The following HHIP variants were observed in gnomAD, a reference collection of about 807,000 sequenced individuals.
The protein encoded by HHIP is hedgehog interacting protein, also known as hedgehog-interacting protein.
In HHIP, 12 loss-of-function variants were observed where a neutral mutation model predicts 74.0. That is an observed-to-expected ratio of 0.16 (90% CI 0.10 to 0.26). The LOEUF is 0.26. Ranked by LOEUF, HHIP falls within the 10% of genes least tolerant of loss-of-function variation. The pLI is 1.00. For synonymous variants in HHIP, 309 were observed against 311.6 expected (o/e 0.99, Z 0.09); for missense variants, 788 against 845.0 (o/e 0.93, Z 0.84).
At chr4:144,663,187 G>C (rs1578682178) in intron 4 of HHIP, among the ~76,000 whole-genome samples, 1 of 152,116 alleles carries the variant, frequency 6.6e-6, no homozygotes, top group Non-Finnish European at 1.5e-5. Context: ...TACTCAGAAG[G>C]CTGAGGCAAG....
intron 11 of HHIP, among the ~76,000 whole-genome samples, chr4:144,724,112 A>T (rs1184826628): frequency 2.0e-5 from 3 of 152,218 alleles, no homozygotes; most frequent in Non-Finnish European, 4.4e-5. Flanking sequence ...ATGGATGAGC[A>T]TGCATACATA....
rs180746656 is a variant in HHIP, at chr4:144,670,289, C to T, written c.831+10451C>T. ...CAGCCTGGCCCACATAGTGAAACCCCGTCTCTAATAAAAATACAAAAATTA... is the reference window on the plus strand; with the variant it reads ...CAGCCTGGCCCACATAGTGAAACCCTGTCTCTAATAAAAATACAAAAATTA... On this transcript the variant is annotated intron_variant, in intron 4 of 12. Transcript: ENST00000296575. 2.0e-4 allele frequency among the ~76,000 whole-genome samples: 30 copies of T among 151,670 alleles called. 2 individuals carry two copies. The East Asian group carries it at 5.4e-3, about 28-fold the overall frequency.
At chr4:144,705,277 T>C (rs989159758) in intron 4 of HHIP, among the ~76,000 whole-genome samples, 2 of 152,256 alleles carry the variant, frequency 1.3e-5, no homozygotes, top group Non-Finnish European at 2.9e-5. Context: ...AACAGTTCTA[T>C]GCTTTGCTAG....
At chr4:144,666,270 T>A (rs1728860419) in intron 4 of HHIP, among the ~76,000 whole-genome samples, 1 of 151,544 alleles carries the variant, frequency 6.6e-6, no homozygotes, top group Admixed American at 6.6e-5. Flanking sequence ...TGTGTGTGTG[T>A]GTGTGTGTGT....
chr4:144,666,248 CGT>C (rs5862718), intron 4 of HHIP, among the ~76,000 whole-genome samples: 3,696 of 143,300 alleles, frequency 0.026, 110 homozygotes, highest in African/African-American at 0.071. Flanking sequence ...ATACTACAGT[CGT>C]GTGTGTGTGT....
chr4:144,688,717 C>T (rs1729552678), intron 4 of HHIP, among the ~76,000 whole-genome samples: 2 of 152,034 alleles, frequency 1.3e-5, no homozygotes, highest in South Asian at 2.1e-4. Context: ...CTCTGCCAGA[C>T]AAAACAGTTG....
chr4:144,726,504 G>C (rs1730809886), intron 11 of HHIP, among the ~76,000 whole-genome samples: 1 of 152,106 alleles, frequency 6.6e-6, no homozygotes, highest in Admixed American at 6.5e-5. Flanking sequence ...CAAAAATACT[G>C]TACCATAACC....
At chr4:144,707,061 G>C in intron 5 of HHIP, 26 bp from the exon 6 acceptor site, 1 of 1,599,728 alleles carries the variant, frequency 6.3e-7, no homozygotes, top group Non-Finnish European at 8.6e-7. Context: ...TAACAGTCAT[G>C]GTATTGTTTT....
intron 8 of HHIP, 118 bp downstream of exon 8, chr4:144,712,189 G>C: frequency 1.2e-6 from 1 of 857,756 alleles, no homozygotes; most frequent in Non-Finnish European, 1.8e-6. Flanking sequence ...TAAAAACACT[G>C]GCCTAACAAT....
At position 144,704,336 on chromosome 4, in the gene HHIP, T is replaced by TC. The variant is rs1482646676; in HGVS notation, c.832-2195_832-2194insC. On this transcript the variant is annotated intron_variant, in intron 4 of 12. Coordinates refer to ENST00000296575, the MANE Select transcript of HHIP (RefSeq NM_022475.3). Reference sequence around the variant, plus strand: ...ACCTGAAAATGTCAGAATTACTGACTTTTTTTAAATTGCTTTTTTGATTTA... The same window carrying TC: ...ACCTGAAAATGTCAGAATTACTGACTCTTTTTTAAATTGCTTTTTTGATTTA... Among the ~76,000 whole-genome samples, 6 of 152,318 alleles carry TC rather than the reference T, an allele frequency of 3.9e-5. 1 individual carries two copies. The highest frequency in any genetic ancestry group is 3.9e-4 in the Admixed American group (6 of 15,304).
chr4:144,714,515 G>T (rs2126664528), intron 9 of HHIP, among the ~76,000 whole-genome samples, 167 bp downstream of exon 9: 1 of 152,174 alleles, frequency 6.6e-6, no homozygotes, highest in East Asian at 1.9e-4. Context: ...TGGTTTAATT[G>T]AAGAACTTCC....
At chr4:144,687,044 T>C (rs1370167573) in intron 4 of HHIP, among the ~76,000 whole-genome samples, 1 of 152,246 alleles carries the variant, frequency 6.6e-6, no homozygotes, top group Non-Finnish European at 1.5e-5. Flanking sequence ...CAAGTGTGAT[T>C]TATTTTTTGG....
At chr4:144,714,060 A>G (rs541937464) in intron 8 of HHIP, among the ~76,000 whole-genome samples, 165 bp from the exon 9 acceptor site, 7 of 152,334 alleles carry the variant, frequency 4.6e-5, no homozygotes, top group African/African-American at 1.7e-4. Context: ...TGTTGATACT[A>G]TTTAGCAAAG....
intron 11 of HHIP, among the ~76,000 whole-genome samples, chr4:144,724,941 T>C (rs1730755452): frequency 6.6e-6 from 1 of 151,906 alleles, no homozygotes; most frequent in African/African-American, 2.4e-5. Flanking sequence ...ATGTGAATGG[T>C]GAAGAATATA....
Position 144,652,814 on chromosome 4 carries a change from C to A in HHIP, c.472+17C>A. The A allele has an allele frequency of 1.3e-6, 2 of 1,520,084 alleles. No homozygotes were observed. Among genetic ancestry groups the A allele is most frequent in the Non-Finnish European group, 1.8e-6 (2 of 1,118,296 alleles). The allele number at this position is 1,520,084 out of a possible 1,614,324, so 94.2% of individuals were successfully genotyped here. On this transcript the variant is annotated intron_variant, in intron 2 of 12. Transcript: ENST00000296575. ...ATATTCCAGGTAAGAAAAAAAAATG[C>A]ATAAGTAAAATAAACCACTGCACAA... is the stretch of plus-strand genomic sequence containing the variant.
In HHIP at chr4:144,695,690, G is replaced by A. The variant is rs79913591; in HGVS notation, c.832-10841G>A. 7.9e-3 allele frequency among the ~76,000 whole-genome samples: 1,194 copies of A among 151,650 alleles called. 11 individuals carry two copies. The highest frequency in any genetic ancestry group is 0.01 in the Non-Finnish European group (708 of 67,716). On this transcript the variant is annotated intron_variant, in intron 4 of 12. Coordinates refer to ENST00000296575, the MANE Select transcript of HHIP (RefSeq NM_022475.3). ...ATTTTATATATTTTAATGAAAAAAC[G>A]ATATTTCTACAATAGCAAAGTTATG...
intron 4 of HHIP, among the ~76,000 whole-genome samples, chr4:144,682,703 A>G (rs1011956212): frequency 6.6e-6 from 1 of 152,246 alleles, no homozygotes; most frequent in Non-Finnish European, 1.5e-5. Flanking sequence ...GTCAAACAAA[A>G]TACAGATGAG....
intron 12 of HHIP, among the ~76,000 whole-genome samples, chr4:144,737,001 C>T (rs1731138109): frequency 6.6e-6 from 1 of 152,134 alleles, no homozygotes; most frequent in Non-Finnish European, 1.5e-5. Flanking sequence ...TGACTGTACT[C>T]CCCAGATTTA....
At chr4:144,734,064 C>A (rs1731039662) in intron 11 of HHIP, among the ~76,000 whole-genome samples, 1 of 151,488 alleles carries the variant, frequency 6.6e-6, no homozygotes, top group Non-Finnish European at 1.5e-5. Context: ...ATATATGGAT[C>A]AAAATCAGAT....
Sources: allele counts gnomAD v4.1 joint callset (sites outside exome capture counted in the v4.1 genomes callset), GRCh38; gene constraint gnomAD v4.1.1; transcripts MANE v1.5; gene names NCBI Gene and HGNC (gene_info 2026-07-23, HGNC 2026-07-21).